FBXW7: variants seen among roughly 807,000 people sequenced by gnomAD.
FBXW7 encodes F-box and WD repeat domain containing 7, also known as F-box/WD repeat-containing protein 7.
FBXW7 carries 11 observed loss-of-function variants against 86.3 expected under a neutral mutation model. The ratio of observed to expected loss-of-function variants is 0.13; its 90% CI spans 0.08 to 0.21. The LOEUF (loss-of-function observed/expected upper bound fraction) is 0.21, where lower values mean the gene tolerates loss of function less well. Among genes scored for constraint, FBXW7 ranks in the 10% least tolerant of loss-of-function variants. The probability of loss-of-function intolerance (pLI) is 1.00; values close to 1 mark genes in which losing one functional copy is unlikely to be tolerated. For missense variants in FBXW7, 488 were observed against 847.4 expected (o/e 0.58, Z 5.27); for synonymous variants, 313 against 297.9 (o/e 1.05, Z -0.52).
chr4:152,440,251 A>G (rs1171647641), intron 2 of FBXW7, among the ~76,000 whole-genome samples: 1 of 152,232 alleles, frequency 6.6e-6, no homozygotes, highest in Non-Finnish European at 1.5e-5. Context: ...GATGACAACC[A>G]TTAGAATGAC....
chr4:152,350,291 T>A (rs977372001), intron 4 of FBXW7, among the ~76,000 whole-genome samples, 167 bp from the exon 5 acceptor site: 3 of 151,762 alleles, frequency 2.0e-5, no homozygotes, highest in African/African-American at 7.2e-5. Context: ...CTACTTTGTT[T>A]TACTCTGAAT....
intron 2 of FBXW7, among the ~76,000 whole-genome samples, chr4:152,519,498 C>A (rs572716863): frequency 6.6e-6 from 1 of 152,184 alleles, no homozygotes; most frequent in Non-Finnish European, 1.5e-5. Context: ...CACTCAACAA[C>A]ACATTTCACA....
intron 2 of FBXW7, among the ~76,000 whole-genome samples, chr4:152,486,202 T>C (rs1579326896): frequency 6.6e-6 from 1 of 152,146 alleles, no homozygotes; most frequent in South Asian, 2.1e-4. Context: ...GGTGAGTTAA[T>C]GATTGAGTGA....
At chr4:152,490,833 T>C (rs1378584369) in intron 2 of FBXW7, among the ~76,000 whole-genome samples, 1 of 152,098 alleles carries the variant, frequency 6.6e-6, no homozygotes, top group Non-Finnish European at 1.5e-5. Context: ...ACACCTTCAT[T>C]TGGCAGTAAG....
chr4:152,383,670 AGAAAGGATTT>A (rs1735287576), intron 4 of FBXW7, among the ~76,000 whole-genome samples: 1 of 152,142 alleles, frequency 6.6e-6, no homozygotes, highest in South Asian at 2.1e-4. Context: ...GACGGAGACA[AGAAAGGATTT>A]GAAAGGAGAA....
intron 2 of FBXW7, among the ~76,000 whole-genome samples, chr4:152,462,889 T>C (rs979813186): frequency 2.0e-5 from 3 of 152,030 alleles, no homozygotes; most frequent in Admixed American, 6.6e-5. Flanking sequence ...AGACAAGAAT[T>C]TGAAGTACTC....
At chr4:152,333,580 T>G (rs1729777331) in intron 7 of FBXW7, among the ~76,000 whole-genome samples, 1 of 152,040 alleles carries the variant, frequency 6.6e-6, no homozygotes. Context: ...GGAAAACAAT[T>G]TAAATAGAGC....
chr4:152,404,419 T>C (rs1278208935), intron 4 of FBXW7, among the ~76,000 whole-genome samples: 1 of 152,212 alleles, frequency 6.6e-6, no homozygotes, highest in Non-Finnish European at 1.5e-5. Context: ...TTCCTAACAT[T>C]TGGTACAACT....
At chr4:152,426,265 G>A (rs1739368645) in intron 2 of FBXW7, among the ~76,000 whole-genome samples, 1 of 151,950 alleles carries the variant, frequency 6.6e-6, no homozygotes, top group South Asian at 2.1e-4. Context: ...TAGAATCAAA[G>A]GTCTAGTATA....
rs1429997409 is a variant in FBXW7 at position 152,532,051 on chromosome 4, C to T, written c.-120+2890G>A. ...GATTTTCCCCCTAACTAAAAATACC[C>T]ACTTTTCAGCTCTTCACTTTCCATC... is the stretch of plus-strand genomic sequence containing the variant. On this transcript the variant is annotated intron_variant, in intron 2 of 13. Transcript: ENST00000281708. 2.6e-5 allele frequency among the ~76,000 whole-genome samples: 4 copies of T among 152,140 alleles called. No homozygotes were observed. In the East Asian group the frequency reaches 7.7e-4, roughly 29 times the overall value.
intron 2 of FBXW7, among the ~76,000 whole-genome samples, chr4:152,508,236 C>G (rs1362901291): frequency 6.6e-6 from 1 of 151,846 alleles, no homozygotes; most frequent in Non-Finnish European, 1.5e-5. Context: ...GTAAGTCCAT[C>G]TGATATAAGA....
At chr4:152,405,599 G>A (rs1409549968) in intron 4 of FBXW7, among the ~76,000 whole-genome samples, 1 of 152,146 alleles carries the variant, frequency 6.6e-6, no homozygotes, top group Non-Finnish European at 1.5e-5. Flanking sequence ...TATTCATACT[G>A]CCAACTCATT....
chr4:152,408,980 G>A (rs1396482677), intron 4 of FBXW7, among the ~76,000 whole-genome samples: 1 of 152,040 alleles, frequency 6.6e-6, no homozygotes, highest in African/African-American at 2.4e-5. Flanking sequence ...TTGCCATAAG[G>A]CTCCCAAAAG....
intron 6 of FBXW7, among the ~76,000 whole-genome samples, chr4:152,342,919 A>G (rs563187885): frequency 1.1e-4 from 16 of 152,316 alleles, no homozygotes; most frequent in African/African-American, 3.1e-4. Flanking sequence ...CACACAAAAC[A>G]AGGTTTTTAA....
At chr4:152,323,567 GAC>G (rs1437310540) in intron 13 of FBXW7, 2 of 183,064 alleles carry the variant, frequency 1.1e-5, no homozygotes, top group Non-Finnish European at 2.3e-5. Flanking sequence ...TCTGAGGAGA[GAC>G]AAAACCAATG....
At chr4:152,472,750 ATATACTTTGTGTATGTAAAT>A (rs1378345295) in intron 2 of FBXW7, among the ~76,000 whole-genome samples, 1 of 152,140 alleles carries the variant, frequency 6.6e-6, no homozygotes, top group East Asian at 1.9e-4. Flanking sequence ...AAAAGCTCAT[ATATACTTTGTGTATGTAAAT>A]TATACAATTT....
intron 4 of FBXW7, among the ~76,000 whole-genome samples, chr4:152,405,095 T>TAAAAAAAAAAA (rs11394424): frequency 1.3e-5 from 1 of 79,052 alleles, no homozygotes; most frequent in Non-Finnish European, 2.3e-5. Flanking sequence ...GACCTTGTCT[T>TAAAAAAAAAAA]AAAAAAAAAA....
Position 152,322,855 on chromosome 4 carries a change from T to C in FBXW7, c.*26A>G, listed in dbSNP as rs550796545. On this transcript the variant is annotated 3_prime_UTR_variant, in exon 14 of 14. Transcript: ENST00000281708. Reference sequence around the variant, plus strand: ...GGCAGGGAGTATATCGTCTACACAATTGGACAAATTCATCTTTTCTGCTCT... The same window carrying C: ...GGCAGGGAGTATATCGTCTACACAACTGGACAAATTCATCTTTTCTGCTCT... The C allele has an allele frequency of 2.7e-5, 44 of 1,612,392 alleles. No homozygotes were observed. Among genetic ancestry groups the C allele is most frequent in the Non-Finnish European group, 3.3e-5 (39 of 1,178,662 alleles).
chr4:152,461,377 T>C (rs572010478), intron 2 of FBXW7, among the ~76,000 whole-genome samples: 2 of 152,376 alleles, frequency 1.3e-5, no homozygotes, highest in African/African-American at 4.8e-5. Context: ...ATCTATTCAC[T>C]GAACAAGACT....
Sources: allele counts gnomAD v4.1 joint callset (sites outside exome capture counted in the v4.1 genomes callset), GRCh38; gene constraint gnomAD v4.1.1; transcripts MANE v1.5; gene names NCBI Gene and HGNC (gene_info 2026-07-23, HGNC 2026-07-21).